ICE1: variants seen among roughly 807,000 people sequenced by gnomAD.
ICE1 encodes the protein little elongation complex subunit 1.
Under a neutral mutation model 192.7 loss-of-function variants are expected in ICE1, and 64 were observed. The observed-to-expected ratio is 0.33, with a 90% CI of 0.27 to 0.41. ICE1 has a LOEUF of 0.41. Among genes scored for constraint, ICE1 ranks in the 10% least tolerant of loss-of-function variants. ICE1 has a pLI of 1.00. For missense variants in ICE1, 2,708 were observed against 2,696.0 expected, an observed-to-expected ratio of 1.00 and a Z score of -0.10; for synonymous variants, 1,010 against 984.5, an observed-to-expected ratio of 1.03 and a Z score of -0.49.
chr5:5,480,376 A>G (rs943270560), intron 17 of ICE1, among the ~76,000 whole-genome samples: 5 of 149,094 alleles, frequency 3.4e-5, no homozygotes, highest in East Asian at 2.0e-4. Context: ...CAGCTTCCCT[A>G]GTAGCTGGGA....
chr5:5,424,311 TAGAAGG>T (rs1458173894), intron 1 of ICE1, among the ~76,000 whole-genome samples: 2 of 152,016 alleles, frequency 1.3e-5, no homozygotes, highest in Non-Finnish European at 2.9e-5. Flanking sequence ...CTTTTGTGAG[TAGAAGG>T]AGAACTAACA....
chr5:5,489,464 CTTA>C lies in ICE1; in HGVS notation c.*137_*139del. On this transcript the variant is annotated 3_prime_UTR_variant, in exon 19 of 19. Coordinates refer to ENST00000296564, the MANE Select transcript of ICE1 (RefSeq NM_015325.3). ...TAGATAAAACAGACCAGAGGCTCTC[CTTA>C]TTGTTTGGCAAGGAGACAGGAGAAA... 1 of 769,250 alleles carries C rather than the reference CTTA, an allele frequency of 1.3e-6. No individual in the cohort carries two copies. Among genetic ancestry groups the C allele is most frequent in the Non-Finnish European group, 2.0e-6 (1 of 507,212 alleles). 47.7% of individuals were successfully genotyped at this position (769,250 alleles called of 1,614,324 possible). A position where few individuals can be genotyped will look rare whatever the true frequency, so the allele number is the denominator to read the frequency against.
chr5:5,489,056 T>A (rs1739716560), intron 18 of ICE1, 93 bp from the exon 19 acceptor site: 2 of 1,020,762 alleles, frequency 2.0e-6, no homozygotes, highest in African/African-American at 1.6e-5. Flanking sequence ...GAAAGCATTC[T>A]GTATTTGAAT....
In ICE1 at chr5:5,461,421, G is replaced by T. The variant is rs751453444; in HGVS notation, c.2087G>T (p.Gly696Val). 18 of 1,613,868 alleles carry T rather than the reference G, an allele frequency of 1.1e-5. No homozygotes were observed. Among genetic ancestry groups the T allele is most frequent in the Non-Finnish European group, 5.1e-6 (6 of 1,179,898 alleles). The change falls in exon 13 of 19, where the codon GGA becomes GTA. Residue 696 changes from glycine (G) to valine (V), a missense_variant. Physicochemically the swap from Gly to Val is moderately radical, Grantham distance 109. Around this residue, in one of 2 missense-constraint regions of ICE1, gnomAD observed 2,366 missense variants for 2,276.6 expected, o/e 1.04. Coordinates refer to ENST00000296564, the MANE Select transcript of ICE1 (RefSeq NM_015325.3). ...GAGCCACCGGAGTGTTCTATAGGAG[G>T]AAACAACTTGGAGAATAGCTTGTGT... Reference protein sequence around the residue: ...QSEPPECSIGGNNLENSLCAL... With the variant: ...QSEPPECSIGVNNLENSLCAL...
In ICE1 at chr5:5,424,314, AAGG is replaced by A. The variant is rs562633720; in HGVS notation, c.84+1318_84+1320del. Among the ~76,000 whole-genome samples the A allele has an allele frequency of 1.2e-3, 189 of 152,272 alleles. 1 individual carries two copies. The highest frequency in any genetic ancestry group is 4.3e-3 in the African/African-American group (179 of 41,546). On this transcript the variant is annotated intron_variant, in intron 1 of 18. Coordinates refer to ENST00000296564, the MANE Select transcript of ICE1 (RefSeq NM_015325.3). The stretch of plus-strand genomic sequence containing the variant: ...GGAAATGTGCTGCTTTTGTGAGTAG[AAGG>A]AGAACTAACAGATCATTGCCTTCAC...
intron 1 of ICE1, among the ~76,000 whole-genome samples, chr5:5,427,130 G>C (rs138700805): frequency 1.2e-3 from 176 of 152,238 alleles, no homozygotes; most frequent in African/African-American, 4.0e-3. Flanking sequence ...CAGTACCTTT[G>C]CAGAGATCAT....
chr5:5,461,928 C>G lies in ICE1; in HGVS notation c.2594C>G (p.Thr865Arg). The G allele has an allele frequency of 6.2e-7, 1 of 1,613,862 alleles. No homozygotes were observed. Among genetic ancestry groups the G allele is most frequent in the South Asian group, 1.1e-5 (1 of 91,078 alleles). Residue 865 changes from threonine (T) to arginine (R), a missense_variant, in exon 13 of 19, where the codon ACA (threonine) becomes AGA (arginine). This residue lies in a region of ICE1 where 2,366 missense variants were observed against 2,276.6 expected (regional missense o/e 1.04). Transcript: ENST00000296564. ...CAAGTATCAGTTATCACAAAACAGA[C>G]AAGACCTGAAAAGGTTCAGAGTGCC... ...PNQVSVITKQTRPEKVQSAKL... is the reference protein window; with the variant it reads ...PNQVSVITKQRRPEKVQSAKL...
rs1426063599 is a variant in ICE1, at chr5:5,422,765, C to T, written c.-151C>T. ...GGCTCGGAGAGCCTTTTGCTAGCCC[C>T]ACGGGGACCTCTGTGCACGGATGGA... is the stretch of plus-strand genomic sequence containing the variant. On this transcript the variant is annotated 5_prime_UTR_variant, in exon 1 of 19. Transcript: ENST00000296564. The T allele has an allele frequency of 3.7e-5, 15 of 408,310 alleles. No individual in the cohort carries two copies. The highest frequency in any genetic ancestry group is 5.7e-5 in the Non-Finnish European group (14 of 243,624). 25.3% of individuals were successfully genotyped at this position (408,310 alleles called of 1,614,324 possible).
chr5:5,444,764 A>G (rs548651445), intron 7 of ICE1, among the ~76,000 whole-genome samples: 71 of 152,266 alleles, frequency 4.7e-4, no homozygotes, highest in African/African-American at 1.7e-3. Flanking sequence ...AATTTTGTAC[A>G]TTAGGGATTG....
In ICE1 at chr5:5,463,382, T is replaced by A. The variant is rs775414129; in HGVS notation, c.4048T>A (p.Ser1350Thr). ...CCCTCAGAGCAGACCAGAGGCCCGTTCAGATGCAGGCAGGCAAACCGATGG... is the reference window on the plus strand; with the variant it reads ...CCCTCAGAGCAGACCAGAGGCCCGTACAGATGCAGGCAGGCAAACCGATGG... ...ENPQSRPEARSDAGRQTDGGE... is the reference protein window; with the variant it reads ...ENPQSRPEARTDAGRQTDGGE... The change falls in exon 13 of 19, where the codon TCA (serine) becomes ACA (threonine). Residue 1350 changes from serine (S) to threonine (T), a missense_variant. Ser to Thr is a moderately conservative substitution (Grantham distance 58). Around this residue, in one of 2 missense-constraint regions of ICE1, gnomAD observed 2,366 missense variants for 2,276.6 expected, o/e 1.04. Coordinates refer to ENST00000296564, the MANE Select transcript of ICE1 (RefSeq NM_015325.3). 1.2e-6 allele frequency: 2 copies of A among 1,613,634 alleles called. No homozygotes were observed. The highest frequency in any genetic ancestry group is 1.7e-5 in the Admixed American group (1 of 59,980).
At chr5:5,475,433 A>G (rs1739280381) in intron 16 of ICE1, among the ~76,000 whole-genome samples, 1 of 152,228 alleles carries the variant, frequency 6.6e-6, no homozygotes, top group Non-Finnish European at 1.5e-5. Flanking sequence ...ACCATGAAAG[A>G]AGTAGATAGA....
Position 5,463,671 on chromosome 5 carries a change from G to C in ICE1, c.4337G>C (p.Gly1446Ala), listed in dbSNP as rs751118034. 2.0e-5 allele frequency: 32 copies of C among 1,613,908 alleles called. No homozygotes were observed. In the Admixed American group the frequency reaches 5.0e-4, roughly 25 times the overall value. Residue 1446 changes from glycine (G) to alanine (A), a missense_variant, in exon 13 of 19, where the codon GGA becomes GCA. Physicochemically the swap from Gly to Ala is moderately conservative, Grantham distance 60 (BLOSUM62 0). This residue lies in a region of ICE1 where 2,366 missense variants were observed against 2,276.6 expected (regional missense o/e 1.04). Transcript: ENST00000296564. ...CAGGTCACACTGTGTGACATTCCTG[G>C]AGACATCCCTATTTCTCAGGATCAA... is the stretch of plus-strand genomic sequence containing the variant. ...VDQVTLCDIP[G>A]DIPISQDQGE...
chr5:5,479,397 C>T (rs1044958999), intron 17 of ICE1, among the ~76,000 whole-genome samples: 1 of 152,174 alleles, frequency 6.6e-6, no homozygotes, highest in African/African-American at 2.4e-5. Flanking sequence ...TATGAGGTAC[C>T]ATCTCACACT....
Position 5,466,420 on chromosome 5 carries a change from C to G in ICE1, c.5979C>G (p.Leu1993=). Reference sequence around the variant, plus strand: ...TGGACCACAATTACATTCACGCCCTCTGCAGGGTGTATGTGGGTATTTGTC... The same window carrying G: ...TGGACCACAATTACATTCACGCCCTGTGCAGGGTGTATGTGGGTATTTGTC... The part of the protein sequence containing the change: ...ISMDHNYIHA[L]CRVYVGICRQ... The change falls in exon 14 of 19, where the codon CTC becomes CTG. Residue 1993 remains leucine (L), a synonymous_variant. Coordinates refer to ENST00000296564, the MANE Select transcript of ICE1 (RefSeq NM_015325.3). The G allele has an allele frequency of 6.2e-7, 1 of 1,613,572 alleles. No homozygotes were observed. Among genetic ancestry groups the G allele is most frequent in the Non-Finnish European group, 8.5e-7 (1 of 1,179,634 alleles).
At chr5:5,466,004 A>AT (rs1738973658) in intron 13 of ICE1, among the ~76,000 whole-genome samples, 1 of 152,246 alleles carries the variant, frequency 6.6e-6, no homozygotes, top group Non-Finnish European at 1.5e-5. Context: ...CACAGATTAC[A>AT]TAAGGCAAAA....
At chr5:5,473,996 G>T (rs917569253) in intron 16 of ICE1, among the ~76,000 whole-genome samples, 1 of 152,028 alleles carries the variant, frequency 6.6e-6, no homozygotes, top group African/African-American at 2.4e-5. Context: ...AGATCACGAG[G>T]TCAGGAGATC....
chr5:5,447,917 T>A lies in ICE1; in HGVS notation c.604+20T>A. 1 of 1,539,406 alleles carries A rather than the reference T, an allele frequency of 6.5e-7. No homozygotes were observed. The highest frequency in any genetic ancestry group is 1.2e-5 in the South Asian group (1 of 83,886). On this transcript the variant is annotated intron_variant, in intron 10 of 18. Transcript: ENST00000296564. ...ATAAAAGTGAGTATATTGCAACTTT[T>A]GTTTTAATGTTGTGTATTGCTCTTA...
intron 10 of ICE1, among the ~76,000 whole-genome samples, chr5:5,452,618 A>G (rs1344313079): frequency 2.0e-5 from 3 of 152,144 alleles, no homozygotes; most frequent in African/African-American, 4.8e-5. Flanking sequence ...ATACAGAAAT[A>G]TTCAAAGTCC....
chr5:5,467,058 AT>A (rs1284502384), intron 14 of ICE1, among the ~76,000 whole-genome samples: 1 of 152,210 alleles, frequency 6.6e-6, no homozygotes, highest in Non-Finnish European at 1.5e-5. Flanking sequence ...CTAGTATCGT[AT>A]CAGTCTTATC....
Sources: gnomAD v4.1 joint callset for allele counts (sites outside exome capture counted in the v4.1 genomes callset) on GRCh38, gnomAD v4.1.1 for gene constraint, gnomAD v4.1.1 regional missense constraint, MANE v1.5 for transcripts, NCBI Gene and HGNC (gene_info 2026-07-23, HGNC 2026-07-21) for gene names.